Variants in SLC27A6 observed in about 807,000 individuals in gnomAD.
SLC27A6 encodes long-chain fatty acid transport protein 6.
A neutral mutation model predicts 63.9 loss-of-function variants in SLC27A6; 74 were observed. The ratio of observed to expected loss-of-function variants is 1.16; its 90% CI spans 0.96 to 1.40. SLC27A6 has a LOEUF of 1.40. Among genes scored for constraint, SLC27A6 ranks in the 40% most tolerant of loss-of-function variants. The pLI, the probability that SLC27A6 is intolerant of heterozygous loss-of-function variation, is 0.00. For missense variants in SLC27A6, 794 were observed against 732.9 expected (o/e 1.08, Z -0.96); for synonymous variants, 287 against 260.8 (o/e 1.10, Z -0.97).
rs750830040 is a variant in SLC27A6, at chr5:128,998,603, C to T, written c.969+8139C>T. ...GAAACCCTAAAAATATTATGCATAT[C>T]TCCTCTTAGATTATGTATTCTTATT... On this transcript the variant is annotated intron_variant, in intron 4 of 9. Coordinates refer to ENST00000262462, the MANE Select transcript of SLC27A6 (RefSeq NM_001017372.3). Among the ~76,000 whole-genome samples, 55 of 152,012 alleles carry T rather than the reference C, an allele frequency of 3.6e-4. 1 individual carries two copies. Among genetic ancestry groups the T allele is most frequent in the Non-Finnish European group, 5.6e-4 (38 of 67,980 alleles).
At chr5:129,027,471 T>G (rs1050242636) in intron 7 of SLC27A6, 140 bp downstream of exon 7, 3 of 648,232 alleles carry the variant, frequency 4.6e-6, no homozygotes, top group Non-Finnish European at 5.4e-6. Flanking sequence ...AAAACATTTA[T>G]TGGCCATCTG....
At chr5:128,976,623 T>G (rs1750391959) in intron 1 of SLC27A6, among the ~76,000 whole-genome samples, 1 of 152,194 alleles carries the variant, frequency 6.6e-6, no homozygotes. Flanking sequence ...TGAAAGTCAT[T>G]TGGAGAATTA....
rs936583334 is a variant in SLC27A6 at position 129,023,690 on chromosome 5, G to A, written c.1235G>A (p.Trp412Ter). 3.1e-6 allele frequency: 5 copies of A among 1,607,796 alleles called. No individual in the cohort carries two copies. The highest frequency in any genetic ancestry group is 4.2e-6 in the Non-Finnish European group (5 of 1,176,956). ...GAACCCATGAGAAATGAGCAGGGTT[G>A]GTGTATTCATGTGAAAAAAGGTAAG... ...KDEPMRNEQG[W>*]CIHVKKGEPG... The change falls in exon 6 of 10, where the codon TGG becomes TAG. Residue 412 changes from tryptophan (W) to a stop codon, truncating the protein, a stop_gained. Coordinates refer to ENST00000262462, the MANE Select transcript of SLC27A6 (RefSeq NM_001017372.3). LOFTEE classifies it high-confidence loss of function.
At chr5:128,996,402 A>G (rs1334170922) in intron 4 of SLC27A6, among the ~76,000 whole-genome samples, 1 of 152,170 alleles carries the variant, frequency 6.6e-6, no homozygotes, top group African/African-American at 2.4e-5. Context: ...ACTTTTGGTA[A>G]AGAATATTGA....
intron 4 of SLC27A6, among the ~76,000 whole-genome samples, chr5:129,012,148 TTC>T (rs1488083073): frequency 4.6e-5 from 7 of 151,986 alleles, no homozygotes; most frequent in African/African-American, 7.2e-5. Flanking sequence ...ATAATTTTTA[TTC>T]TGTCTTATTT....
At chr5:128,982,353 C>T (rs1750625260) in intron 1 of SLC27A6, among the ~76,000 whole-genome samples, 1 of 152,098 alleles carries the variant, frequency 6.6e-6, no homozygotes, top group Non-Finnish European at 1.5e-5. Flanking sequence ...CCTCTGATTC[C>T]TAGGAACCTT....
chr5:129,016,689 C>T (rs1171768223), intron 5 of SLC27A6, among the ~76,000 whole-genome samples: 1 of 151,976 alleles, frequency 6.6e-6, no homozygotes, highest in African/African-American at 2.4e-5. Flanking sequence ...TATATTGACT[C>T]TTTCCGTATA....
intron 4 of SLC27A6, among the ~76,000 whole-genome samples, chr5:129,004,302 G>T (rs909020716): frequency 6.6e-6 from 1 of 151,860 alleles, no homozygotes; most frequent in East Asian, 1.9e-4. Context: ...TCATATTCTT[G>T]CTCTTGCCTG....
intron 1 of SLC27A6, among the ~76,000 whole-genome samples, chr5:128,978,884 A>T (rs1320322670): frequency 6.6e-6 from 1 of 152,160 alleles, no homozygotes; most frequent in Non-Finnish European, 1.5e-5. Context: ...AATATATTTA[A>T]ATACACAAAC....
At chr5:129,011,099 A>G (rs542098442) in intron 4 of SLC27A6, among the ~76,000 whole-genome samples, 1 of 152,326 alleles carries the variant, frequency 6.6e-6, no homozygotes, top group African/African-American at 2.4e-5. Context: ...AATATGATTA[A>G]TGATGCTAGG....
At chr5:128,973,145 G>C (rs2577442) in intron 1 of SLC27A6, among the ~76,000 whole-genome samples, 36,668 of 152,048 alleles carry the variant, frequency 0.24, 4,966 homozygotes, top group Middle Eastern at 0.34. Context: ...CTGGAAGCTT[G>C]GTCTCAGAGG....
Position 128,985,246 on chromosome 5 carries a change from ACC to A in SLC27A6, c.596_597del (p.Thr199IlefsTer3), listed in dbSNP as rs780735721. The A allele has an allele frequency of 6.2e-7, 1 of 1,613,906 alleles. No individual in the cohort carries two copies. Among genetic ancestry groups the A allele is most frequent in the Non-Finnish European group, 8.5e-7 (1 of 1,179,962 alleles). ...AATTTCACTCAAAGAAAAACTGAGC[ACC>A]TCACCTGATGAGCCCGTGCCACGCA... ...GVISLKEKLS[T>X]SPDEPVPRSH... On this transcript the variant is annotated frameshift_variant, in exon 2 of 10. Coordinates refer to ENST00000262462, the MANE Select transcript of SLC27A6 (RefSeq NM_001017372.3). LOFTEE classifies it high-confidence loss of function.
chr5:129,016,147 C>G, intron 5 of SLC27A6, 68 bp downstream of exon 5: 8 of 1,126,004 alleles, frequency 7.1e-6, no homozygotes, highest in Non-Finnish European at 1.0e-5. Context: ...AATCCCAACA[C>G]TTTGGGACGC....
At chr5:128,994,996 G>T (rs573804843) in intron 4 of SLC27A6, among the ~76,000 whole-genome samples, 3 of 152,306 alleles carry the variant, frequency 2.0e-5, no homozygotes, top group Non-Finnish European at 4.4e-5. Flanking sequence ...ACTGACTCCT[G>T]TTAGTCATGG....
chr5:128,996,918 G>C (rs1385037515), intron 4 of SLC27A6, among the ~76,000 whole-genome samples: 1 of 152,094 alleles, frequency 6.6e-6, no homozygotes, highest in African/African-American at 2.4e-5. Flanking sequence ...ACGGTCATAA[G>C]CTAAAATCTT....
At position 129,028,442 on chromosome 5, in the gene SLC27A6, G is replaced by A. The variant is rs753138712; in HGVS notation, c.1552G>A (p.Gly518Ser). Residue 518 changes from glycine to serine, a missense_variant and splice_region_variant, in exon 8 of 10, where the codon GGT becomes AGT. Gly to Ser is a moderately conservative substitution (Grantham distance 56). Transcript: ENST00000262462. ...AAACGTCTATGGTGTGGCTATATCA[G>A]GTATAAATATATTTCAGATTTTGGA... is the stretch of plus-strand genomic sequence containing the variant. ...EANVYGVAIS[G>S]YEGRAGMASI... 19 of 1,549,326 alleles carry A rather than the reference G, an allele frequency of 1.2e-5. No individual in the cohort carries two copies. Among genetic ancestry groups the A allele is most frequent in the Non-Finnish European group, 1.7e-5 (19 of 1,128,114 alleles).
At chr5:128,993,348 A>G (rs1417079007) in intron 4 of SLC27A6, among the ~76,000 whole-genome samples, 1 of 152,224 alleles carries the variant, frequency 6.6e-6, no homozygotes, top group African/African-American at 2.4e-5. Flanking sequence ...ATTAAACCCA[A>G]TTTCCTGAGC....
At chr5:128,974,156 G>A (rs1308704913) in intron 1 of SLC27A6, among the ~76,000 whole-genome samples, 1 of 152,184 alleles carries the variant, frequency 6.6e-6, no homozygotes, top group Non-Finnish European at 1.5e-5. Context: ...AGAGCATTCA[G>A]GCTTTTCTGT....
At chr5:129,018,166 T>C (rs547983100) in intron 5 of SLC27A6, among the ~76,000 whole-genome samples, 1 of 152,186 alleles carries the variant, frequency 6.6e-6, no homozygotes, top group South Asian at 2.1e-4. Context: ...TATTTAGAAC[T>C]GCTTTTGAAG....
Sources: gnomAD v4.1 joint callset for allele counts (sites outside exome capture counted in the v4.1 genomes callset) on GRCh38, gnomAD v4.1.1 for gene constraint, MANE v1.5 for transcripts, NCBI Gene and HGNC (gene_info 2026-07-23, HGNC 2026-07-21) for gene names.